Variants in HCRTR2 observed in about 807,000 individuals in gnomAD.
HCRTR2 encodes hypocretin receptor 2, also known as orexin receptor type 2.
In HCRTR2, 22 loss-of-function variants were observed where a neutral mutation model predicts 49.0. That is an observed-to-expected ratio of 0.45 (90% CI 0.32 to 0.64). The LOEUF is 0.64. Among genes scored for constraint, HCRTR2 ranks in the 30% least tolerant of loss-of-function variants. The pLI is 0.04. For missense variants in HCRTR2, 491 were observed against 559.4 expected, an observed-to-expected ratio of 0.88 and a Z score of 1.23; for synonymous variants, 236 against 205.3, an observed-to-expected ratio of 1.15 and a Z score of -1.28.
In HCRTR2 at chr6:55,144,099, C is replaced by CTTTT. The variant is rs530138605; in HGVS notation, c.-377-30083_-377-30080dup. ...GTGACGCCATTCTTTCCCGTCCTGCCTTTTTTTTTTTTTTTTTTTTTTTTT... is the reference window on the plus strand; with the variant it reads ...GTGACGCCATTCTTTCCCGTCCTGCCTTTTTTTTTTTTTTTTTTTTTTTTTTTTT... On this transcript the variant is annotated intron_variant, in intron 1 of 7. Coordinates refer to the HCRTR2 transcript ENST00000615358. 3.6e-3 allele frequency among the ~76,000 whole-genome samples: 308 copies of CTTTT among 85,356 alleles called. 22 individuals are homozygous for CTTTT. Among genetic ancestry groups the CTTTT allele is most frequent in the African/African-American group, 0.012 (200 of 16,386 alleles). 56.0% of individuals were successfully genotyped at this position (85,356 alleles called of 152,430 possible).
intron 1 of HCRTR2, among the ~76,000 whole-genome samples, chr6:55,223,096 A>C (rs1175721395): frequency 6.6e-6 from 1 of 152,212 alleles, no homozygotes; most frequent in Non-Finnish European, 1.5e-5. Flanking sequence ...CAGAGTATAT[A>C]AACTATCTTT....
intron 1 of HCRTR2, among the ~76,000 whole-genome samples, chr6:55,229,029 G>T (rs908522838): frequency 1.3e-5 from 2 of 152,024 alleles, no homozygotes; most frequent in African/African-American, 4.8e-5. Flanking sequence ...TTCATGGTGG[G>T]ATGTTAAAAG....
intron 1 of HCRTR2, among the ~76,000 whole-genome samples, chr6:55,133,691 ATCT>A (rs1764393294): frequency 3.3e-5 from 5 of 149,852 alleles, no homozygotes; most frequent in African/African-American, 1.3e-4. Flanking sequence ...CTATCTATCT[ATCT>A]ATCTATCTAT....
chr6:55,243,192 T>G (rs1766367862), intron 1 of HCRTR2, among the ~76,000 whole-genome samples: 1 of 152,188 alleles, frequency 6.6e-6, no homozygotes, highest in Non-Finnish European at 1.5e-5. Flanking sequence ...AAGTCCATGT[T>G]AGAGGTGGAA....
intron 1 of HCRTR2, among the ~76,000 whole-genome samples, chr6:55,238,507 T>G (rs2127303899): frequency 1.3e-5 from 2 of 152,288 alleles, no homozygotes; most frequent in Middle Eastern, 3.4e-3. Context: ...ATTTTCCAAT[T>G]CTCCATAGTC....
chr6:55,120,111 T>G (rs1764175351), intron 1 of HCRTR2, among the ~76,000 whole-genome samples: 1 of 152,152 alleles, frequency 6.6e-6, no homozygotes, highest in Non-Finnish European at 1.5e-5. Flanking sequence ...GAGGCCTCTA[T>G]TCTGTTCCAT....
chr6:55,158,428 G>T (rs1764759857), intron 1 of HCRTR2, among the ~76,000 whole-genome samples: 1 of 152,154 alleles, frequency 6.6e-6, no homozygotes, highest in African/African-American at 2.4e-5. Context: ...TCATACCCCA[G>T]TGGTGCCTGG....
chr6:55,141,330 C>A (rs1160710391), intron 1 of HCRTR2, among the ~76,000 whole-genome samples: 1 of 151,422 alleles, frequency 6.6e-6, no homozygotes. Context: ...GGCGACAGAG[C>A]AAGACTCTAT....
At chr6:55,110,204 G>A (rs9475143) in intron 1 of HCRTR2, among the ~76,000 whole-genome samples, 152,213 of 152,250 alleles carry the variant, frequency 1, 76,088 homozygotes, top group Non-Finnish European at 1. Flanking sequence ...CACTACAAGA[G>A]CTACTAAAAG....
intron 1 of HCRTR2, among the ~76,000 whole-genome samples, chr6:55,202,166 G>A (rs10498801): frequency 0.22 from 32,754 of 152,018 alleles, 3,678 homozygotes; most frequent in Admixed American, 0.3. Context: ...TTCTAAAACA[G>A]CTTTGGTGAT....
At chr6:55,195,744 G>A (rs1351103776) in intron 1 of HCRTR2, among the ~76,000 whole-genome samples, 1 of 152,098 alleles carries the variant, frequency 6.6e-6, no homozygotes, top group Non-Finnish European at 1.5e-5. Context: ...GGTCGAGGTG[G>A]GCGGATCACA....
intron 1 of HCRTR2, among the ~76,000 whole-genome samples, chr6:55,165,017 A>C (rs1764856683): frequency 6.6e-6 from 1 of 152,210 alleles, no homozygotes; most frequent in African/African-American, 2.4e-5. Flanking sequence ...GAGCTGAAAA[A>C]TTCAATTGAT....
intron 1 of HCRTR2, among the ~76,000 whole-genome samples, chr6:55,150,066 T>C (rs1764643266): frequency 6.6e-6 from 1 of 151,998 alleles, no homozygotes; most frequent in Non-Finnish European, 1.5e-5. Flanking sequence ...GTTTCCAGGA[T>C]GCAGTCCTGA....
intron 1 of HCRTR2, among the ~76,000 whole-genome samples, chr6:55,205,253 G>A (rs1765580993): frequency 6.6e-6 from 1 of 152,126 alleles, no homozygotes; most frequent in Non-Finnish European, 1.5e-5. Flanking sequence ...GAGATCACTA[G>A]GTAGGTAAAT....
chr6:55,254,543 A>C (rs1047805131), intron 2 of HCRTR2, among the ~76,000 whole-genome samples: 2 of 152,110 alleles, frequency 1.3e-5, no homozygotes, highest in African/African-American at 4.8e-5. Flanking sequence ...TCGCATACAA[A>C]ATTCTCTTTT....
intron 4 of HCRTR2, among the ~76,000 whole-genome samples, chr6:55,274,644 G>A (rs146055678): frequency 1.3e-5 from 2 of 152,080 alleles, no homozygotes; most frequent in East Asian, 3.9e-4. Flanking sequence ...GGTGAGAGAA[G>A]ACTTGATTTT....
chr6:55,233,199 C>T (rs904471764), intron 1 of HCRTR2, among the ~76,000 whole-genome samples: 1 of 151,982 alleles, frequency 6.6e-6, no homozygotes, highest in African/African-American at 2.4e-5. Flanking sequence ...AGTGATTCTC[C>T]TGCCTCGGCA....
At chr6:55,158,655 C>T (rs13210609) in intron 1 of HCRTR2, among the ~76,000 whole-genome samples, 26,391 of 152,140 alleles carry the variant, frequency 0.17, 2,591 homozygotes, top group Non-Finnish European at 0.23. Flanking sequence ...TTTGAGTAAG[C>T]AGTTTTCCCC....
At chr6:55,215,521 G>GA (rs1765771945) in intron 1 of HCRTR2, among the ~76,000 whole-genome samples, 1 of 151,996 alleles carries the variant, frequency 6.6e-6, no homozygotes, top group African/African-American at 2.4e-5. Flanking sequence ...AGATATAAAG[G>GA]AAAAACAACG....
Sources: gnomAD v4.1 joint callset for allele counts (sites outside exome capture counted in the v4.1 genomes callset) on GRCh38, gnomAD v4.1.1 for gene constraint, MANE v1.5 for transcripts, NCBI Gene and HGNC (gene_info 2026-07-23, HGNC 2026-07-21) for gene names.